MIA2: variants seen among roughly 807,000 people sequenced by gnomAD.
MIA2 encodes the protein MIA SH3 domain ER export factor 2.
In MIA2, 127 loss-of-function variants were observed where a neutral mutation model predicts 167.8. That is an observed-to-expected ratio of 0.76 (90% CI 0.66 to 0.88). The LOEUF (loss-of-function observed/expected upper bound fraction) is 0.88. Ranked by LOEUF, MIA2 falls within the 40% of genes least tolerant of loss-of-function variation. The pLI is 0.00. For missense variants in MIA2, 1,690 were observed against 1,624.7 expected (o/e 1.04, Z -0.69); for synonymous variants, 552 against 541.9 (o/e 1.02, Z -0.26).
At position 39,314,807 on chromosome 14, in the gene MIA2, T is replaced by C. The variant is rs1411667256; in HGVS notation, c.3180+8T>C. ...CATTCTTATCAAGGGCAGGTATATA[T>C]ATATGTGTGTGTGTGTGTGTGTGTG... On this transcript the variant is annotated splice_region_variant and intron_variant, in intron 20 of 28. Coordinates refer to ENST00000640607, the MANE Select transcript of MIA2 (RefSeq NM_001329214.4). 2 of 1,387,786 alleles carry C rather than the reference T, an allele frequency of 1.4e-6. No individual in the cohort carries two copies. Among genetic ancestry groups the C allele is most frequent in the South Asian group, 2.6e-5 (2 of 76,222 alleles). The allele number at this position is 1,387,786 out of a possible 1,614,324, so 86.0% of individuals were successfully genotyped here.
At chr14:39,265,316 A>G in intron 6 of MIA2, 1 of 1,119,946 alleles carries the variant, frequency 8.9e-7, no homozygotes, top group Non-Finnish European at 1.4e-6. Flanking sequence ...TTAGAATCTG[A>G]AATCTTTCTC....
At chr14:39,356,615 CTT>C (rs1184996391) in intron 23 of MIA2, among the ~76,000 whole-genome samples, 3 of 151,994 alleles carry the variant, frequency 2.0e-5, no homozygotes, top group Non-Finnish European at 4.4e-5. Flanking sequence ...TGTGTTTGCT[CTT>C]CTCTAGTTCT....
intron 23 of MIA2, among the ~76,000 whole-genome samples, chr14:39,364,953 G>A (rs1308718285): frequency 1.3e-5 from 2 of 151,754 alleles, no homozygotes; most frequent in African/African-American, 4.8e-5. Context: ...TTACGCATTT[G>A]GGATCTCTGA....
At chr14:39,327,504 AATAAAT>A (rs1244839709) in intron 25 of MIA2, among the ~76,000 whole-genome samples, 1 of 152,164 alleles carries the variant, frequency 6.6e-6, no homozygotes, top group Non-Finnish European at 1.5e-5. Context: ...ATCTCACCAA[AATAAAT>A]ATATTTACCA....
intron 9 of MIA2, 33 bp from the exon 10 acceptor site, chr14:39,290,986 A>G (rs748946760): frequency 2.6e-6 from 4 of 1,559,032 alleles, no homozygotes; most frequent in Admixed American, 1.8e-5. Context: ...TACAATTGGT[A>G]GAGTTTTTAC....
intron 9 of MIA2, among the ~76,000 whole-genome samples, chr14:39,285,470 G>T (rs1157573389): frequency 6.8e-6 from 1 of 146,494 alleles, no homozygotes; most frequent in African/African-American, 2.5e-5. Flanking sequence ...GGCCGGGCGG[G>T]GGCTGACCCC....
intron 6 of MIA2, among the ~76,000 whole-genome samples, chr14:39,263,994 G>A (rs7141921): frequency 2.0e-5 from 3 of 151,918 alleles, no homozygotes; most frequent in Non-Finnish European, 4.4e-5. Flanking sequence ...GTACAGGTTT[G>A]TTACAAGGGT....
chr14:39,271,900 G>C (rs1049210909), intron 6 of MIA2, among the ~76,000 whole-genome samples: 3 of 152,102 alleles, frequency 2.0e-5, no homozygotes, highest in Non-Finnish European at 4.4e-5. Flanking sequence ...GGGAATGCAG[G>C]GGGTGGTTCC....
chr14:39,266,762 G>A lies in MIA2; in HGVS notation c.1888-10172G>A, dbSNP rs45532939. ...GCCGCCGTCAGGACTTCTGCAGGGC[G>A]CAGACAGCAGGCTCCAGCGAGGCTG... On this transcript the variant is annotated intron_variant, in intron 6 of 28. Transcript: ENST00000640607. 1.0e-3 allele frequency: 1,011 copies of A among 984,426 alleles called. 6 individuals are homozygous for A. Among genetic ancestry groups the A allele is most frequent in the Non-Finnish European group, 1.1e-3 (948 of 829,404 alleles). 61.0% of individuals were successfully genotyped at this position (984,426 alleles called of 1,614,324 possible). A position where few individuals can be genotyped will look rare whatever the true frequency, so the allele number is the denominator to read the frequency against.
At chr14:39,347,528 C>A in intron 26 of MIA2, 185 bp from the exon 27 acceptor site, 1 of 588,448 alleles carries the variant, frequency 1.7e-6, no homozygotes, top group South Asian at 2.1e-5. Context: ...CATCATAGAA[C>A]TCTGAGTCTG....
intron 6 of MIA2, among the ~76,000 whole-genome samples, chr14:39,258,232 A>G (rs1452018101): frequency 6.6e-6 from 1 of 152,190 alleles, no homozygotes; most frequent in Non-Finnish European, 1.5e-5. Flanking sequence ...AACCAATCAT[A>G]GATTTGGTAT....
chr14:39,354,964 C>G (rs970352892), downstream of MIA2, among the ~76,000 whole-genome samples: 6 of 151,904 alleles, frequency 3.9e-5, no homozygotes, highest in Non-Finnish European at 8.8e-5. Flanking sequence ...GTTACTGTAG[C>G]CTTGTAGTAT....
At chr14:39,261,044 G>C (rs2152654925) in intron 6 of MIA2, among the ~76,000 whole-genome samples, 1 of 151,834 alleles carries the variant, frequency 6.6e-6, no homozygotes, top group South Asian at 2.1e-4. Context: ...CAACATGCAG[G>C]TTTGTTGCAT....
chr14:39,294,189 T>TG, intron 12 of MIA2, 118 bp downstream of exon 12: 2 of 655,804 alleles, frequency 3.0e-6, no homozygotes. Flanking sequence ...CCCAGATATG[T>TG]ATTTTTTTTT....
intron 14 of MIA2, among the ~76,000 whole-genome samples, chr14:39,301,743 G>T (rs1001856592): frequency 1.3e-5 from 2 of 151,996 alleles, no homozygotes; most frequent in East Asian, 3.9e-4. Flanking sequence ...AAAAATCTAC[G>T]ATCTTTTTAT....
At chr14:39,277,672 T>A (rs866965982) in intron 7 of MIA2, among the ~76,000 whole-genome samples, 59 of 30,158 alleles carry the variant, frequency 2.0e-3, no homozygotes, top group African/African-American at 5.3e-3. Flanking sequence ...GTAAGATCTT[T>A]TATATATATA....
At chr14:39,353,819 G>GA (rs1180496302), downstream of MIA2, among the ~76,000 whole-genome samples, 1 of 152,110 alleles carries the variant, frequency 6.6e-6, no homozygotes, top group Non-Finnish European at 1.5e-5. Context: ...GCGGTGTTTG[G>GA]TTTTTTGTCC....
intron 15 of MIA2, among the ~76,000 whole-genome samples, chr14:39,302,568 T>A (rs2062698109): frequency 6.6e-6 from 1 of 152,210 alleles, no homozygotes; most frequent in Non-Finnish European, 1.5e-5. Context: ...CCCTGTACTG[T>A]AAGCTAATCA....
At chr14:39,297,474 C>T (rs1295956617) in intron 13 of MIA2, among the ~76,000 whole-genome samples, 1 of 152,160 alleles carries the variant, frequency 6.6e-6, no homozygotes, top group African/African-American at 2.4e-5. Flanking sequence ...TCCACATTTC[C>T]CATTTGGGAG....
Sources: gnomAD v4.1 joint callset for allele counts (sites outside exome capture counted in the v4.1 genomes callset) on GRCh38, gnomAD v4.1.1 for gene constraint, MANE v1.5 for transcripts, NCBI Gene and HGNC (gene_info 2026-07-23, HGNC 2026-07-21) for gene names.